Variants in CIMIP2A observed in about 807,000 individuals in gnomAD.
CIMIP2A encodes the protein family with sequence similarity 166 member A.
the CIMIP2A span, chr9:137,252,191 G>A: frequency 6.4e-7 from 1 of 1,566,894 alleles, no homozygotes; most frequent in Non-Finnish European, 8.7e-7. Context: ...CCCTGGGAAT[G>A]GGGGCCTTTG....
the CIMIP2A span, chr9:137,245,646 G>C: frequency 1.9e-6 from 3 of 1,607,842 alleles, no homozygotes; most frequent in Non-Finnish European, 1.7e-6. Flanking sequence ...CACTGGTGTA[G>C]TGGGGGATGT....
chr9:137,252,107 C>T, the CIMIP2A span: 6 of 1,612,100 alleles, frequency 3.7e-6, no homozygotes, highest in Admixed American at 5.0e-5. Flanking sequence ...ACCCCCACTA[C>T]AGCATCGGCT....
At chr9:137,247,736 G>A in the CIMIP2A span, 2 of 1,611,782 alleles carry the variant, frequency 1.2e-6, no homozygotes, top group East Asian at 2.2e-5. Flanking sequence ...CTCTGGCCTT[G>A]CTGGCTCCAG....
At chr9:137,245,151 C>T in the CIMIP2A span, 3 of 1,590,774 alleles carry the variant, frequency 1.9e-6, no homozygotes, top group African/African-American at 2.7e-5. Flanking sequence ...CTGGAAGCTG[C>T]CCACATCTAG....
chr9:137,248,558 A>AAAAG, the CIMIP2A span, among the ~76,000 whole-genome samples: 1 of 148,080 alleles, frequency 6.8e-6, no homozygotes, highest in African/African-American at 2.6e-5. Context: ...AAAAAAAAAA[A>AAAAG]AAAGAAAGAA....
At chr9:137,248,266 G>A in the CIMIP2A span, among the ~76,000 whole-genome samples, 1 of 152,170 alleles carries the variant, frequency 6.6e-6, no homozygotes, top group African/African-American at 2.4e-5. Flanking sequence ...GAAGGAAGGC[G>A]GCCAGGCACG....
chr9:137,251,686 G>A, the CIMIP2A span: 1 of 1,538,140 alleles, frequency 6.5e-7, no homozygotes, highest in Non-Finnish European at 8.8e-7. Context: ...TGTGGGGCAT[G>A]TGGCTGGGAG....
At chr9:137,244,330 G>C in the CIMIP2A span, 2 of 1,611,798 alleles carry the variant, frequency 1.2e-6, no homozygotes, top group East Asian at 2.2e-5. Flanking sequence ...CTCCCCGGCA[G>C]GCAAACAGAT....
At chr9:137,249,015 A>ACGT in the CIMIP2A span, among the ~76,000 whole-genome samples, 1 of 80,952 alleles carries the variant, frequency 1.2e-5, no homozygotes. Flanking sequence ...GCAGACTAAT[A>ACGT]TGGTTTTTTT....
the CIMIP2A span, among the ~76,000 whole-genome samples, chr9:137,248,174 G>A: frequency 1.3e-5 from 2 of 152,192 alleles, no homozygotes; most frequent in African/African-American, 2.4e-5. Context: ...TTCATGTGGC[G>A]CAGGGTGTTA....
chr9:137,247,296 TAAATA>T, the CIMIP2A span, among the ~76,000 whole-genome samples: 2 of 152,064 alleles, frequency 1.3e-5, no homozygotes, highest in African/African-American at 2.4e-5. Context: ...AAAAAATAAA[TAAATA>T]AAATGAAATG....
chr9:137,251,354 G>A, the CIMIP2A span: 6 of 1,613,540 alleles, frequency 3.7e-6, no homozygotes, highest in African/African-American at 8.0e-5. Context: ...GGCAAACACT[G>A]GACCCATGGT....
At chr9:137,244,183 C>G in the CIMIP2A span, 3 of 1,613,756 alleles carry the variant, frequency 1.9e-6, no homozygotes, top group Admixed American at 1.7e-5. Context: ...GGGATGAACC[C>G]CATGTAGAAG....
the CIMIP2A span, chr9:137,252,436 G>A: frequency 6.2e-7 from 1 of 1,609,840 alleles, no homozygotes; most frequent in Non-Finnish European, 8.5e-7. Flanking sequence ...TCCAACTACA[G>A]AGGGCGGTGG....
At chr9:137,243,718 C>T in the CIMIP2A span, 4 of 1,614,048 alleles carry the variant, frequency 2.5e-6, no homozygotes, top group South Asian at 2.2e-5. Context: ...TGTGGTTTCG[C>T]TTTGCCCATT....
the CIMIP2A span, among the ~76,000 whole-genome samples, chr9:137,246,738 G>A: frequency 7.5e-3 from 1,143 of 152,230 alleles, 15 homozygotes; most frequent in African/African-American, 0.026. Context: ...ACTCCAGCCT[G>A]GGCAACAGAG....
chr9:137,247,522 G>C, the CIMIP2A span: 1 of 778,986 alleles, frequency 1.3e-6, no homozygotes, highest in East Asian at 2.7e-5. Flanking sequence ...ACAGACTGCA[G>C]TGCCCCGTGG....
At chr9:137,246,807 T>C in the CIMIP2A span, among the ~76,000 whole-genome samples, 1 of 152,124 alleles carries the variant, frequency 6.6e-6, no homozygotes, top group Non-Finnish European at 1.5e-5. Context: ...CAGCTTCACC[T>C]GCCCCTTCCC....
chr9:137,247,724 C>T, the CIMIP2A span: 1 of 1,613,136 alleles, frequency 6.2e-7, no homozygotes. Flanking sequence ...ATTTTGCTTT[C>T]ACTCTGGCCT....
Sources: allele counts gnomAD v4.1 joint callset (sites outside exome capture counted in the v4.1 genomes callset), GRCh38; gene constraint gnomAD v4.1.1; transcripts MANE v1.5; gene names NCBI Gene and HGNC (gene_info 2026-07-23, HGNC 2026-07-21).